The following MYOM2 variants were observed in gnomAD, a reference collection of about 807,000 sequenced individuals.
The protein encoded by MYOM2 is myomesin-2.
In MYOM2, 254 loss-of-function variants were observed where a neutral mutation model predicts 187.6. That is an observed-to-expected ratio of 1.35 (90% CI 1.22 to 1.50). MYOM2 has a LOEUF of 1.50. MYOM2 is among the 40% of genes most tolerant of loss of function. MYOM2 has a pLI of 0.00. For missense variants in MYOM2, 2,796 were observed against 1,924.0 expected, an observed-to-expected ratio of 1.45 and a Z score of -8.48; for synonymous variants, 981 against 753.8, an observed-to-expected ratio of 1.30 and a Z score of -4.94.
chr8:2,093,792 G>T (rs1051657880), intron 16 of MYOM2, among the ~76,000 whole-genome samples, 178 bp from the exon 17 acceptor site: 4 of 152,300 alleles, frequency 2.6e-5, no homozygotes, highest in African/African-American at 9.6e-5. Context: ...GCTATAATTA[G>T]GTGCTGTGAC....
Position 2,073,530 on chromosome 8 carries a change from AC to A in MYOM2, c.1120+32del, listed in dbSNP as rs1819311855. The A allele has an allele frequency of 1.9e-6, 3 of 1,560,082 alleles. No homozygotes were observed. In the East Asian group the frequency reaches 6.8e-5, roughly 36 times the overall value. ...GGGCAGCAGGGTTCTCAGGGTGCAG[AC>A]CTTGTGTGTGCCCGGGGAGGGGAGG... is the stretch of plus-strand genomic sequence containing the variant. On this transcript the variant is annotated intron_variant, in intron 10 of 36. Coordinates refer to ENST00000262113, the MANE Select transcript of MYOM2 (RefSeq NM_003970.4).
rs534257773 is a variant in MYOM2, at chr8:2,136,394, C to A, written c.3801-4329C>A. Among the ~76,000 whole-genome samples, 13 of 152,280 alleles carry A rather than the reference C, an allele frequency of 8.5e-5. No individual in the cohort carries two copies. In the East Asian group the frequency reaches 2.1e-3, roughly 25 times the overall value. On this transcript the variant is annotated intron_variant, in intron 32 of 36. Transcript: ENST00000262113. ...AAGCATGTGGGGTGCCAGAAGTGCA[C>A]CAAGTGGGCCAGTGTGTGATTTGGT...
intron 32 of MYOM2, among the ~76,000 whole-genome samples, chr8:2,133,220 C>T (rs3824173): frequency 0.13 from 19,836 of 152,206 alleles, 2,194 homozygotes; most frequent in African/African-American, 0.28. Flanking sequence ...GGGCTCTTCC[C>T]AAAGGAGGTC....
chr8:2,124,904 C>G (rs1016747102), intron 31 of MYOM2, among the ~76,000 whole-genome samples: 1 of 152,126 alleles, frequency 6.6e-6, no homozygotes, highest in Non-Finnish European at 1.5e-5. Flanking sequence ...TGAGAAATAT[C>G]TGTTCAGATC....
At chr8:2,094,208 C>G (rs1585894087) in intron 17 of MYOM2, 117 bp downstream of exon 17, 7 of 1,334,970 alleles carry the variant, frequency 5.2e-6, no homozygotes, top group Middle Eastern at 1.9e-4. Context: ...GGACTAAATT[C>G]CTGAACAGAG....
intron 9 of MYOM2, among the ~76,000 whole-genome samples, chr8:2,072,830 T>C (rs1026046396): frequency 1.3e-5 from 2 of 152,260 alleles, no homozygotes; most frequent in African/African-American, 4.8e-5. Flanking sequence ...GGTTAGCAGC[T>C]TGTGTACTAT....
intron 25 of MYOM2, among the ~76,000 whole-genome samples, chr8:2,111,922 T>C (rs1797080454): frequency 6.6e-6 from 1 of 152,228 alleles, no homozygotes; most frequent in South Asian, 2.1e-4. Context: ...TGATATAATA[T>C]TGTAATTTCT....
intron 1 of MYOM2, among the ~76,000 whole-genome samples, chr8:2,047,661 G>C (rs1818352236): frequency 1.3e-5 from 2 of 152,188 alleles, no homozygotes; most frequent in Admixed American, 1.3e-4. Flanking sequence ...GTGGTCCTGA[G>C]CATGAAGTGA....
At chr8:2,130,041 G>A (rs183525552) in intron 32 of MYOM2, among the ~76,000 whole-genome samples, 49 of 152,130 alleles carry the variant, frequency 3.2e-4, no homozygotes, top group Middle Eastern at 6.8e-3. Flanking sequence ...ATTTGATGGT[G>A]TCAAGGCACC....
In MYOM2 at chr8:2,099,054, G is replaced by C; in HGVS notation, c.2440+71G>C. On this transcript the variant is annotated intron_variant, in intron 19 of 36. Transcript: ENST00000262113. Reference sequence around the variant, plus strand: ...GCTGGGAAGGGGCCTCTGTGGCTGCGACTCTGGACTCGCCAGCCTTCACAG... The same window carrying C: ...GCTGGGAAGGGGCCTCTGTGGCTGCCACTCTGGACTCGCCAGCCTTCACAG... 4.1e-6 allele frequency: 6 copies of C among 1,479,606 alleles called. No individual in the cohort carries two copies. In the South Asian group the frequency reaches 8.1e-5, roughly 20 times the overall value. The allele number at this position is 1,479,606 out of a possible 1,614,324, so 91.7% of individuals were successfully genotyped here.
intron 14 of MYOM2, 84 bp downstream of exon 14, chr8:2,085,474 G>C: frequency 6.8e-7 from 1 of 1,478,276 alleles, no homozygotes; most frequent in Non-Finnish European, 9.1e-7. Context: ...CACCGCTGTC[G>C]TGATCTCCGC....
In MYOM2 at chr8:2,072,495, A is replaced by G. The variant is rs780995658; in HGVS notation, c.944A>G (p.Glu315Gly). The G allele has an allele frequency of 1.9e-6, 3 of 1,613,346 alleles. No homozygotes were observed. Among genetic ancestry groups the G allele is most frequent in the Non-Finnish European group, 2.5e-6 (3 of 1,180,026 alleles). The change falls in exon 9 of 37, where the codon GAG (glutamate) becomes GGG (glycine). Residue 315 changes from glutamate (E) to glycine (G), a missense_variant. By Grantham distance (98) the Glu-to-Gly change is moderately conservative (BLOSUM62 -2). Coordinates refer to ENST00000262113, the MANE Select transcript of MYOM2 (RefSeq NM_003970.4). Reference protein sequence around the residue: ...PDLKRVQPRAEWYRDDVLLKE... With the variant: ...PDLKRVQPRAGWYRDDVLLKE... ...CTGAAGCGGGTGCAGCCGCGCGCCG[A>G]GTGGTACCGCGATGGTGAGTAGGAC...
chr8:2,047,925 G>C (rs941643337), intron 1 of MYOM2, among the ~76,000 whole-genome samples: 1 of 152,216 alleles, frequency 6.6e-6, no homozygotes, highest in Non-Finnish European at 1.5e-5. Context: ...GGACGTTACA[G>C]ACTGGTTGAA....
intron 20 of MYOM2, 111 bp from the exon 21 acceptor site, chr8:2,102,556 T>TCATTAA: frequency 1.6e-6 from 1 of 634,894 alleles, no homozygotes; most frequent in South Asian, 2.4e-5. Context: ...TTTTCCTAAC[T>TCATTAA]GGAAAAATAA....
At chr8:2,112,571 G>A (rs2116824181) in intron 25 of MYOM2, among the ~76,000 whole-genome samples, 1 of 152,114 alleles carries the variant, frequency 6.6e-6, no homozygotes, top group South Asian at 2.1e-4. Context: ...AATAGGAGTG[G>A]GGTCAGAAGA....
chr8:2,144,558 G>GTTCTAA (rs1396241126), intron 36 of MYOM2, 106 bp from the exon 37 acceptor site: 1 of 1,139,118 alleles, frequency 8.8e-7, no homozygotes, highest in Non-Finnish European at 1.3e-6. Flanking sequence ...ACGATTGAAG[G>GTTCTAA]ACCAATAAAT....
rs1373129365 is a variant in MYOM2 at position 2,117,488 on chromosome 8, A to G, written c.3386-397A>G. Among the ~76,000 whole-genome samples, 3 of 152,190 alleles carry G rather than the reference A, an allele frequency of 2.0e-5. 1 individual carries two copies. Among genetic ancestry groups the G allele is most frequent in the Non-Finnish European group, 2.9e-5 (2 of 68,036 alleles). On this transcript the variant is annotated intron_variant, in intron 27 of 36. Transcript: ENST00000262113. ...TATCTCATATCTATTCTCTTATTTA[A>G]AGGTATTATTTACCATGTTGTCGAA... is the stretch of plus-strand genomic sequence containing the variant.
chr8:2,061,844 T>A (rs1189844866), intron 6 of MYOM2, among the ~76,000 whole-genome samples: 1 of 152,236 alleles, frequency 6.6e-6, no homozygotes, highest in African/African-American at 2.4e-5. Context: ...GCTTGCTGTG[T>A]GCCTGGTGCT....
At chr8:2,066,581 A>G (rs992031560) in intron 6 of MYOM2, among the ~76,000 whole-genome samples, 1 of 152,226 alleles carries the variant, frequency 6.6e-6, no homozygotes, top group African/African-American at 2.4e-5. Flanking sequence ...CAAAGTAAAC[A>G]AACAAACAAA....
Sources: allele counts gnomAD v4.1 joint callset (sites outside exome capture counted in the v4.1 genomes callset), GRCh38; gene constraint gnomAD v4.1.1; transcripts MANE v1.5; gene names NCBI Gene and HGNC (gene_info 2026-07-23, HGNC 2026-07-21).